ASIC2: variants seen among roughly 807,000 people sequenced by gnomAD.
The protein encoded by ASIC2 is acid sensing ion channel subunit 2, also known as acid-sensing ion channel 2.
A neutral mutation model predicts 57.3 loss-of-function variants in ASIC2; 25 were observed. The ratio of observed to expected loss-of-function variants is 0.44; its 90% CI spans 0.32 to 0.61. The LOEUF (loss-of-function observed/expected upper bound fraction) is 0.61, where lower values mean the gene tolerates loss of function less well. ASIC2 is among the 20% of genes least tolerant of loss of function. ASIC2 has a pLI of 0.06. For synonymous variants in ASIC2, 319 were observed against 307.5 expected, an observed-to-expected ratio of 1.04 and a Z score of -0.39; for missense variants, 641 against 738.1, an observed-to-expected ratio of 0.87 and a Z score of 1.52.
At chr17:33,691,626 A>G (rs1336428564) in intron 1 of ASIC2, among the ~76,000 whole-genome samples, 1 of 152,180 alleles carries the variant, frequency 6.6e-6, no homozygotes, top group Non-Finnish European at 1.5e-5. Context: ...GCCTTTGACC[A>G]TAATATAAAT....
At chr17:33,617,592 C>A (rs1326679210) in intron 1 of ASIC2, among the ~76,000 whole-genome samples, 4 of 152,184 alleles carry the variant, frequency 2.6e-5, no homozygotes, top group Non-Finnish European at 5.9e-5. Context: ...ACACCAGACC[C>A]CTGTGACAAC....
At position 33,564,762 on chromosome 17, in the gene ASIC2, G is replaced by A. The variant is rs140052700; in HGVS notation, c.556-452695C>T. 5.8e-3 allele frequency among the ~76,000 whole-genome samples: 883 copies of A among 152,260 alleles called. 8 individuals carry two copies. Among genetic ancestry groups the A allele is most frequent in the African/African-American group, 0.019 (808 of 41,538 alleles). On this transcript the variant is annotated intron_variant, in intron 1 of 9. Transcript: ENST00000359872. The stretch of plus-strand genomic sequence containing the variant: ...TCATAATGGCCCTAACGCCCACGCT[G>A]GAAGGTTGTGGGTTTATGGGAATGG...
chr17:33,864,517 G>T (rs1597907463), intron 1 of ASIC2, among the ~76,000 whole-genome samples: 1 of 152,142 alleles, frequency 6.6e-6, no homozygotes, highest in Non-Finnish European at 1.5e-5. Context: ...GGCCCTTTAA[G>T]AACTCTTTCT....
At chr17:33,782,895 G>C (rs778818094) in intron 1 of ASIC2, among the ~76,000 whole-genome samples, 4 of 152,156 alleles carry the variant, frequency 2.6e-5, no homozygotes, top group African/African-American at 9.7e-5. Context: ...CGTCCCACTT[G>C]TTCTAGCTAC....
At chr17:33,117,305 AGCTGGGATTACGG>A (rs1050058601) in intron 1 of ASIC2, among the ~76,000 whole-genome samples, 2 of 151,890 alleles carry the variant, frequency 1.3e-5, no homozygotes, top group African/African-American at 4.8e-5. Flanking sequence ...CCTGAGTAGT[AGCTGGGATTACGG>A]GCATGCACCA....
intron 1 of ASIC2, among the ~76,000 whole-genome samples, chr17:33,394,007 A>T (rs1909989955): frequency 6.6e-6 from 1 of 152,220 alleles, no homozygotes; most frequent in African/African-American, 2.4e-5. Flanking sequence ...TTAAATATGG[A>T]ATCTATTTGA....
intron 5 of ASIC2, 135 bp from the exon 6 acceptor site, chr17:33,024,149 T>C (rs1473533445): frequency 7.6e-6 from 9 of 1,191,206 alleles, no homozygotes; most frequent in Non-Finnish European, 1.1e-5. Context: ...GGGGCAGGGA[T>C]TGTGGAGAGA....
intron 1 of ASIC2, among the ~76,000 whole-genome samples, chr17:33,738,098 C>T (rs1201234785): frequency 3.9e-5 from 6 of 152,328 alleles, no homozygotes; most frequent in Admixed American, 3.9e-4. Flanking sequence ...GATCATTAGC[C>T]TGTAAGACCA....
At chr17:34,097,425 G>A (rs1037418713) in intron 1 of ASIC2, among the ~76,000 whole-genome samples, 1 of 152,136 alleles carries the variant, frequency 6.6e-6, no homozygotes, top group Non-Finnish European at 1.5e-5. Flanking sequence ...GTTGAATAGA[G>A]TCCCCCAAAA....
chr17:33,490,806 C>A (rs1913731386), intron 1 of ASIC2, among the ~76,000 whole-genome samples: 1 of 152,104 alleles, frequency 6.6e-6, no homozygotes, highest in South Asian at 2.1e-4. Flanking sequence ...GAATTATTTC[C>A]TTAGGAAAAA....
At position 34,058,287 on chromosome 17, in the gene ASIC2, T is replaced by G. The variant is rs1304770117; in HGVS notation, c.555+97691A>C. Among the ~76,000 whole-genome samples, 4 of 152,216 alleles carry G rather than the reference T, an allele frequency of 2.6e-5. No homozygotes were observed. In the East Asian group the frequency reaches 7.7e-4, roughly 29 times the overall value. On this transcript the variant is annotated intron_variant, in intron 1 of 9. Coordinates refer to the ASIC2 transcript ENST00000359872. ...GAGGGTTCAATGATACTGAATGACA[T>G]AAGCCCTTGCTGCATGTGCCACCTC...
At chr17:33,563,484 T>A (rs1916139746) in intron 1 of ASIC2, among the ~76,000 whole-genome samples, 1 of 152,166 alleles carries the variant, frequency 6.6e-6, no homozygotes, top group African/African-American at 2.4e-5. Flanking sequence ...CTCCTCCTGC[T>A]CCCCATCCCC....
chr17:33,144,930 C>G (rs981080003), intron 1 of ASIC2, among the ~76,000 whole-genome samples: 4 of 152,206 alleles, frequency 2.6e-5, no homozygotes, highest in Admixed American at 2.0e-4. Flanking sequence ...CCTGGAAGCT[C>G]CATGACAATC....
chr17:33,644,350 T>G (rs1453146952), intron 1 of ASIC2, among the ~76,000 whole-genome samples: 1 of 152,228 alleles, frequency 6.6e-6, no homozygotes, highest in Non-Finnish European at 1.5e-5. Context: ...TCTACACAGT[T>G]TCACTCCTTT....
intron 3 of ASIC2, among the ~76,000 whole-genome samples, chr17:33,082,315 A>G (rs2092116084): frequency 1.3e-5 from 2 of 152,192 alleles, no homozygotes; most frequent in African/African-American, 4.8e-5. Context: ...ATATTTGATG[A>G]ATACATGGAT....
chr17:33,786,504 A>G (rs1353957070), intron 1 of ASIC2, among the ~76,000 whole-genome samples: 2 of 152,238 alleles, frequency 1.3e-5, no homozygotes, highest in East Asian at 1.9e-4. Context: ...TTTTACATAT[A>G]AAGGACATTT....
chr17:33,723,269 A>G (rs912148199), intron 1 of ASIC2, among the ~76,000 whole-genome samples: 3 of 152,196 alleles, frequency 2.0e-5, no homozygotes, highest in African/African-American at 7.2e-5. Context: ...GAATCCAAAC[A>G]CATGGATGAT....
At chr17:33,372,591 G>A (rs990700495) in intron 1 of ASIC2, among the ~76,000 whole-genome samples, 1 of 152,072 alleles carries the variant, frequency 6.6e-6, no homozygotes, top group Non-Finnish European at 1.5e-5. Flanking sequence ...ACCTCACCTT[G>A]GTCTCCACAT....
chr17:33,497,380 C>T (rs994501559), intron 1 of ASIC2, among the ~76,000 whole-genome samples: 5 of 152,266 alleles, frequency 3.3e-5, no homozygotes, highest in Admixed American at 2.0e-4. Context: ...TAGGGTTCAC[C>T]TTGGGGTATA....
Sources: gnomAD v4.1 joint callset for allele counts (sites outside exome capture counted in the v4.1 genomes callset) on GRCh38, gnomAD v4.1.1 for gene constraint, MANE v1.5 for transcripts, NCBI Gene and HGNC (gene_info 2026-07-23, HGNC 2026-07-21) for gene names.